ZNF37A: variants seen among roughly 807,000 people sequenced by gnomAD.
ZNF37A encodes zinc finger protein 37a (KOX 21).
Under a neutral mutation model 12.3 loss-of-function variants are expected in ZNF37A, and 10 were observed. That is an observed-to-expected ratio of 0.82 (90% confidence interval 0.50 to 1.38). The LOEUF is 1.38. Among genes scored for constraint, ZNF37A ranks in the 40% most tolerant of loss-of-function variants. The probability of loss-of-function intolerance (pLI) is 0.00; values close to 1 mark genes in which losing one functional copy is unlikely to be tolerated. For missense variants in ZNF37A, 580 were observed against 651.2 expected (o/e 0.89, Z 1.19); for synonymous variants, 207 against 223.0 (o/e 0.93, Z 0.64).
rs1044887582 is a variant in ZNF37A, at chr10:38,122,950, A to G, written c.*4113A>G. On this transcript the variant is annotated 3_prime_UTR_variant, in exon 8 of 8. Transcript: ENST00000685332. The stretch of plus-strand genomic sequence containing the variant: ...ATTAGGCCATTTTTGAAGTACTACA[A>G]AGAAATACTTGAGACTGAGTAATTT... The G allele has an allele frequency of 1.3e-5, 2 of 152,260 alleles. No homozygotes were observed. Among genetic ancestry groups the G allele is most frequent in the African/African-American group, 4.8e-5 (2 of 41,464 alleles). The allele number at this position is 152,260 out of a possible 1,614,324, so 9.4% of individuals were successfully genotyped here.
chr10:38,096,782 C>A, intron 5 of ZNF37A, 150 bp downstream of exon 5: 3 of 693,812 alleles, frequency 4.3e-6, no homozygotes, highest in Non-Finnish European at 6.8e-6. Context: ...CAGCCTGCCG[C>A]ATGTTTTTTT....
intron 5 of ZNF37A, among the ~76,000 whole-genome samples, chr10:38,108,232 A>G (rs2068306175): frequency 6.6e-6 from 1 of 152,212 alleles, no homozygotes; most frequent in South Asian, 2.1e-4. Context: ...AAACTGAACA[A>G]CCTGCTCCTG....
chr10:38,114,327 C>A (rs2069063124), intron 5 of ZNF37A, among the ~76,000 whole-genome samples: 1 of 152,186 alleles, frequency 6.6e-6, no homozygotes, highest in Non-Finnish European at 1.5e-5. Flanking sequence ...TTAGTGAAAT[C>A]TCACATGATT....
At chr10:38,131,534 TG>T (rs1168639175) in intron 7 of ZNF37A, among the ~76,000 whole-genome samples, 1 of 152,190 alleles carries the variant, frequency 6.6e-6, no homozygotes, top group Non-Finnish European at 1.5e-5. Context: ...TCCATTGCAT[TG>T]ATTTATTAGT....
intron 5 of ZNF37A, among the ~76,000 whole-genome samples, chr10:38,104,434 C>G (rs1276476899): frequency 5.3e-5 from 8 of 151,154 alleles, no homozygotes; most frequent in Non-Finnish European, 1.0e-4. Context: ...TTGGAGAATT[C>G]TGAAAAGCTT....
chr10:38,118,160 A>G lies in ZNF37A; in HGVS notation c.1009A>G (p.Ser337Gly), dbSNP rs1191282043. The change falls in exon 8 of 8, where the codon AGT becomes GGT. Residue 337 changes from serine to glycine, a missense_variant. By Grantham distance (56) the Ser-to-Gly change is moderately conservative. Transcript: ENST00000685332. ...ATGTCATGAATGTGGGAAATCCTTC[A>G]GTGAAAAGTCAACCCTTACTCAACA... ...YGCHECGKSF[S>G]EKSTLTQHQR... 1.9e-6 allele frequency: 3 copies of G among 1,613,972 alleles called. No homozygotes were observed. In the African/African-American group the frequency reaches 4.0e-5, roughly 22 times the overall value.
At chr10:38,107,379 C>T (rs1261827602) in intron 5 of ZNF37A, among the ~76,000 whole-genome samples, 4 of 152,118 alleles carry the variant, frequency 2.6e-5, no homozygotes, top group South Asian at 2.1e-4. Context: ...AAGGAACAAC[C>T]GGTACCAGCC....
intron 7 of ZNF37A, chr10:38,141,556 C>A (rs568297149): frequency 6.6e-6 from 1 of 152,224 alleles, no homozygotes; most frequent in South Asian, 2.1e-4. Context: ...TCATGATGAG[C>A]AAACATGGCA....
At chr10:38,132,706 G>C (rs570196670) in intron 7 of ZNF37A, among the ~76,000 whole-genome samples, 4 of 152,170 alleles carry the variant, frequency 2.6e-5, no homozygotes, top group African/African-American at 7.2e-5. Flanking sequence ...TGTAGATCAG[G>C]TATATCAAAC....
intron 5 of ZNF37A, among the ~76,000 whole-genome samples, chr10:38,108,207 T>G (rs1222034913): frequency 2.0e-5 from 3 of 152,128 alleles, no homozygotes; most frequent in Non-Finnish European, 1.5e-5. Flanking sequence ...CACTCAAAAC[T>G]GCACAATTAC....
intron 7 of ZNF37A, 52 bp downstream of exon 7, chr10:38,115,342 T>C (rs2069186418): frequency 1.3e-6 from 2 of 1,578,684 alleles, no homozygotes; most frequent in African/African-American, 2.7e-5. Flanking sequence ...TCACAAAGGG[T>C]AAGTTTGGAT....
At position 38,119,020 on chromosome 10, in the gene ZNF37A, A is replaced by G; in HGVS notation, c.*183A>G. The G allele has an allele frequency of 1.6e-6, 2 of 1,288,732 alleles. No individual in the cohort carries two copies. Among genetic ancestry groups the G allele is most frequent in the Non-Finnish European group, 2.0e-6 (2 of 1,020,114 alleles). The allele number at this position is 1,288,732 out of a possible 1,614,324, so 79.8% of individuals were successfully genotyped here. A position where few individuals can be genotyped will look rare whatever the true frequency, so the allele number is the denominator to read the frequency against. On this transcript the variant is annotated 3_prime_UTR_variant, in exon 8 of 8. Transcript: ENST00000685332. ...TATTCTGGAATTTGGACCATACACT[A>G]TGTTACAAAACTAAAAGTGGAAAAA...
chr10:38,131,045 A>G (rs1477205844), intron 7 of ZNF37A, among the ~76,000 whole-genome samples: 1 of 151,678 alleles, frequency 6.6e-6, no homozygotes. Flanking sequence ...CTTGCTTTTA[A>G]TTAGGTTATC....
chr10:38,127,071 T>C (rs1200281455), downstream of ZNF37A, among the ~76,000 whole-genome samples: 2 of 152,162 alleles, frequency 1.3e-5, no homozygotes, highest in African/African-American at 4.8e-5. Context: ...ACATTTTTGC[T>C]CAGATATTCC....
rs1164958513 is a variant in ZNF37A at position 38,120,789 on chromosome 10, CAT to C, written c.*1956_*1957del. ...ATGGATACATTAGGAGCTTCAAACA[CAT>C]ATAATTTCTCAAGAAATTTCCAGAT... On this transcript the variant is annotated 3_prime_UTR_variant, in exon 8 of 8. Coordinates refer to ENST00000685332, the MANE Select transcript of ZNF37A (RefSeq NM_001324250.3). 1.3e-5 allele frequency: 2 copies of C among 152,188 alleles called. No individual in the cohort carries two copies. Among genetic ancestry groups the C allele is most frequent in the Non-Finnish European group, 2.9e-5 (2 of 68,060 alleles). The allele number at this position is 152,188 out of a possible 1,614,324, so 9.4% of individuals were successfully genotyped here.
intron 7 of ZNF37A, chr10:38,142,496 G>T (rs1482871779): frequency 6.6e-6 from 1 of 152,042 alleles, no homozygotes; most frequent in Non-Finnish European, 1.5e-5. Flanking sequence ...TCTACATGGG[G>T]GTGTGTACAA....
At chr10:38,130,661 G>A (rs1406078490) in intron 7 of ZNF37A, among the ~76,000 whole-genome samples, 1 of 151,870 alleles carries the variant, frequency 6.6e-6, no homozygotes. Flanking sequence ...GTACAGACTG[G>A]GTTTCACCAT....
intron 5 of ZNF37A, among the ~76,000 whole-genome samples, chr10:38,098,787 A>T (rs2135866703): frequency 6.6e-6 from 1 of 152,350 alleles, no homozygotes. Context: ...CGAGGGCAGA[A>T]TTGACTGGTT....
At chr10:38,104,313 C>G (rs544077284) in intron 5 of ZNF37A, among the ~76,000 whole-genome samples, 1 of 152,260 alleles carries the variant, frequency 6.6e-6, no homozygotes, top group South Asian at 2.1e-4. Flanking sequence ...ATAGACAGAT[C>G]AAAATACACA....
Sources: gnomAD v4.1 joint callset for allele counts (sites outside exome capture counted in the v4.1 genomes callset) on GRCh38, gnomAD v4.1.1 for gene constraint, MANE v1.5 for transcripts, NCBI Gene and HGNC (gene_info 2026-07-23, HGNC 2026-07-21) for gene names.